ENOX1: variants seen among roughly 807,000 people sequenced by gnomAD.
ENOX1 encodes ecto-NOX disulfide-thiol exchanger 1.
Under a neutral mutation model 82.5 loss-of-function variants are expected in ENOX1, and 42 were observed. That is an observed-to-expected ratio of 0.51 (90% CI 0.40 to 0.66). The LOEUF is 0.66. ENOX1 is among the 30% of genes least tolerant of loss of function. The pLI is 0.00. For missense variants in ENOX1, 608 were observed against 811.6 expected, an observed-to-expected ratio of 0.75 and a Z score of 3.05; for synonymous variants, 271 against 282.2, an observed-to-expected ratio of 0.96 and a Z score of 0.40.
chr13:43,459,770 G>A (rs1037507358), intron 3 of ENOX1, among the ~76,000 whole-genome samples: 7 of 152,152 alleles, frequency 4.6e-5, no homozygotes, highest in Admixed American at 2.0e-4. Context: ...GAGACGGGTG[G>A]ATCACGAGGT....
rs538352021 is a variant in ENOX1 at position 43,390,860 on chromosome 13, T to G, written c.208+21056A>C. On this transcript the variant is annotated intron_variant, in intron 5 of 16. Coordinates refer to ENST00000690772, the MANE Select transcript of ENOX1 (RefSeq NM_001347969.2). ...TCTTTCTCCCTGCCTCCCTTCCCTT[T>G]TTCGGTTTTGTTTTTGCTTTTCGAA... Among the ~76,000 whole-genome samples, 3 of 152,288 alleles carry G rather than the reference T, an allele frequency of 2.0e-5. No homozygotes were observed. The South Asian group carries it at 6.2e-4, about 32-fold the overall frequency.
At chr13:43,362,647 C>T (rs2153561235) in intron 5 of ENOX1, among the ~76,000 whole-genome samples, 1 of 152,196 alleles carries the variant, frequency 6.6e-6, no homozygotes, top group South Asian at 2.1e-4. Context: ...TGCTGAAAGG[C>T]TGGAGGAGCC....
chr13:43,251,822 A>G (rs564825452), intron 14 of ENOX1, among the ~76,000 whole-genome samples: 14 of 152,330 alleles, frequency 9.2e-5, no homozygotes, highest in Non-Finnish European at 1.5e-4. Flanking sequence ...TTTTCTGAAT[A>G]CCAGGCTGAT....
intron 1 of ENOX1, among the ~76,000 whole-genome samples, chr13:43,740,412 T>C (rs2089848443): frequency 6.6e-6 from 1 of 152,148 alleles, no homozygotes; most frequent in Admixed American, 6.5e-5. Flanking sequence ...AGATGTGCAG[T>C]TGAAGGAGTT....
intron 1 of ENOX1, among the ~76,000 whole-genome samples, chr13:43,701,252 C>G (rs768791513): frequency 1.3e-5 from 2 of 152,132 alleles, no homozygotes; most frequent in Non-Finnish European, 2.9e-5. Context: ...TAAAAAATAA[C>G]ATTTCTCAAG....
chr13:43,275,383 T>C (rs2044950506), intron 12 of ENOX1, among the ~76,000 whole-genome samples: 1 of 152,190 alleles, frequency 6.6e-6, no homozygotes, highest in African/African-American at 2.4e-5. Flanking sequence ...CTATATGAAA[T>C]ACATCAGCCA....
intron 7 of ENOX1, among the ~76,000 whole-genome samples, chr13:43,357,563 A>G (rs1430025448): frequency 6.6e-6 from 1 of 152,174 alleles, no homozygotes; most frequent in East Asian, 1.9e-4. Context: ...GGCCATGGGA[A>G]CTTAACAAGT....
At chr13:43,505,081 A>T (rs1396518224) in intron 2 of ENOX1, among the ~76,000 whole-genome samples, 2 of 151,850 alleles carry the variant, frequency 1.3e-5, no homozygotes, top group East Asian at 3.9e-4. Context: ...TTGGTGAGGT[A>T]ATATCCAATT....
At chr13:43,242,153 C>A (rs1349329204) in intron 14 of ENOX1, among the ~76,000 whole-genome samples, 1 of 152,192 alleles carries the variant, frequency 6.6e-6, no homozygotes, top group Non-Finnish European at 1.5e-5. Flanking sequence ...TTTCCAGTGA[C>A]CCTCTTCTTG....
intron 2 of ENOX1, among the ~76,000 whole-genome samples, chr13:43,603,123 G>C (rs796521328): frequency 6.6e-6 from 1 of 151,906 alleles, no homozygotes; most frequent in East Asian, 1.9e-4. Context: ...TGTAATAAAC[G>C]TGTAAGACTT....
chr13:43,443,700 G>A lies in ENOX1; in HGVS notation c.-74-30712C>T, dbSNP rs532038993. Among the ~76,000 whole-genome samples, 10 of 152,238 alleles carry A rather than the reference G, an allele frequency of 6.6e-5. No individual in the cohort carries two copies. The South Asian group carries it at 1.2e-3, about 19-fold the overall frequency. On this transcript the variant is annotated intron_variant, in intron 3 of 16. Coordinates refer to ENST00000690772, the MANE Select transcript of ENOX1 (RefSeq NM_001347969.2). Reference sequence around the variant, plus strand: ...TTTGGCAGCACACGGAGTAAAGAGCGAGGATCCTGGAAGGCAACCTGCATG... The same window carrying A: ...TTTGGCAGCACACGGAGTAAAGAGCAAGGATCCTGGAAGGCAACCTGCATG...
chr13:43,413,619 C>G (rs1267706639), intron 3 of ENOX1, among the ~76,000 whole-genome samples: 1 of 150,804 alleles, frequency 6.6e-6, no homozygotes, highest in East Asian at 1.9e-4. Context: ...TTTTTCAGCT[C>G]ATTGGAAAGA....
intron 2 of ENOX1, among the ~76,000 whole-genome samples, chr13:43,647,105 G>A (rs1262631596): frequency 1.3e-5 from 2 of 152,114 alleles, no homozygotes; most frequent in South Asian, 2.1e-4. Flanking sequence ...ACCTTGTAAG[G>A]GGCAGGGAAG....
intron 11 of ENOX1, among the ~76,000 whole-genome samples, chr13:43,314,874 C>G (rs1159438980): frequency 6.6e-6 from 1 of 152,230 alleles, no homozygotes; most frequent in East Asian, 1.9e-4. Context: ...GGAATCTACT[C>G]TGACCACCTC....
At chr13:43,596,148 C>T (rs191439741) in intron 2 of ENOX1, among the ~76,000 whole-genome samples, 1 of 152,284 alleles carries the variant, frequency 6.6e-6, no homozygotes, top group East Asian at 1.9e-4. Context: ...AAAAAAATGA[C>T]ATTATACATT....
At chr13:43,616,198 ATATATATT>A (rs2082460024) in intron 2 of ENOX1, among the ~76,000 whole-genome samples, 3 of 19,836 alleles carry the variant, frequency 1.5e-4, no homozygotes, top group African/African-American at 1.9e-4. Flanking sequence ...ATATATATAT[ATATATATT>A]TTTTTTTTTT....
At chr13:43,359,450 C>A (rs187100512) in intron 7 of ENOX1, among the ~76,000 whole-genome samples, 1 of 152,224 alleles carries the variant, frequency 6.6e-6, no homozygotes, top group Non-Finnish European at 1.5e-5. Context: ...AAGGAACTGA[C>A]CTTGCTTTGG....
intron 1 of ENOX1, among the ~76,000 whole-genome samples, chr13:43,676,130 C>T (rs1444809275): frequency 1.3e-5 from 2 of 152,190 alleles, no homozygotes; most frequent in African/African-American, 4.8e-5. Flanking sequence ...GCCCAGGAAT[C>T]ACAGGCCTAT....
At chr13:43,705,297 AAAC>A (rs2087184252) in intron 1 of ENOX1, among the ~76,000 whole-genome samples, 1 of 141,974 alleles carries the variant, frequency 7.0e-6, no homozygotes, top group African/African-American at 2.6e-5. Context: ...AAAAACAAAC[AAAC>A]AACAACTCTC....
Sources: gnomAD v4.1 joint callset for allele counts (sites outside exome capture counted in the v4.1 genomes callset) on GRCh38, gnomAD v4.1.1 for gene constraint, MANE v1.5 for transcripts, NCBI Gene and HGNC (gene_info 2026-07-23, HGNC 2026-07-21) for gene names.